Variants in MAP4K3 observed in about 807,000 individuals in gnomAD.
MAP4K3 encodes the protein MAPK/ERK kinase kinase kinase 3.
Under a neutral mutation model 143.5 loss-of-function variants are expected in MAP4K3, and 94 were observed. The observed-to-expected ratio is 0.65, with a 90% CI of 0.55 to 0.78. MAP4K3 has a LOEUF of 0.78. Ranked by LOEUF, MAP4K3 falls within the 30% of genes least tolerant of loss-of-function variation. The probability of loss-of-function intolerance (pLI) is 0.00; values close to 1 mark genes in which losing one functional copy is unlikely to be tolerated. For missense variants in MAP4K3, 1,077 were observed against 1,068.1 expected, an observed-to-expected ratio of 1.01 and a Z score of -0.12; for synonymous variants, 416 against 347.2, an observed-to-expected ratio of 1.20 and a Z score of -2.20.
At position 39,345,299 on chromosome 2, in the gene MAP4K3, G is replaced by A. The variant is rs928102738; in HGVS notation, c.246-1847C>T. Among the ~76,000 whole-genome samples, 70 of 151,854 alleles carry A rather than the reference G, an allele frequency of 4.6e-4. 1 individual carries two copies. Among genetic ancestry groups the A allele is most frequent in the African/African-American group, 2.4e-4 (10 of 41,388 alleles). On this transcript the variant is annotated intron_variant, in intron 3 of 33. Transcript: ENST00000263881. ...AGGCTGAGGCAGGGTGCAGGGGGTC[G>A]GGGGGAAGGTGCAGGGCGGGGCGGG...
At chr2:39,433,838 C>T (rs904235779) in intron 1 of MAP4K3, among the ~76,000 whole-genome samples, 6 of 151,992 alleles carry the variant, frequency 3.9e-5, no homozygotes, top group African/African-American at 7.2e-5. Flanking sequence ...TGTATATATG[C>T]ATTGGCCTGA....
At chr2:39,377,591 G>A (rs979276759) in intron 2 of MAP4K3, among the ~76,000 whole-genome samples, 1 of 152,150 alleles carries the variant, frequency 6.6e-6, no homozygotes, top group Non-Finnish European at 1.5e-5. Flanking sequence ...TGCTGGGATA[G>A]CAATGAAATA....
At chr2:39,300,352 T>C (rs1682458439) in intron 15 of MAP4K3, among the ~76,000 whole-genome samples, 1 of 152,236 alleles carries the variant, frequency 6.6e-6, no homozygotes, top group Non-Finnish European at 1.5e-5. Flanking sequence ...TTAATAATTT[T>C]TTAAGCAAAA....
At chr2:39,365,430 A>ATTTTT (rs151026787) in intron 2 of MAP4K3, among the ~76,000 whole-genome samples, 4 of 87,928 alleles carry the variant, frequency 4.5e-5, no homozygotes, top group Non-Finnish European at 6.6e-5. Flanking sequence ...CGCCATAGTA[A>ATTTTT]TTTTTTTTTT....
intron 13 of MAP4K3, among the ~76,000 whole-genome samples, chr2:39,313,133 C>G (rs1311524125): frequency 1.3e-5 from 2 of 152,246 alleles, no homozygotes; most frequent in Non-Finnish European, 2.9e-5. Flanking sequence ...GCCTCTGCCA[C>G]AGAATCTTCC....
intron 3 of MAP4K3, among the ~76,000 whole-genome samples, chr2:39,349,384 G>A (rs1665385078): frequency 6.6e-6 from 1 of 152,030 alleles, no homozygotes; most frequent in Non-Finnish European, 1.5e-5. Flanking sequence ...GTACTCAGGG[G>A]GATACAAGCT....
At chr2:39,428,868 G>C (rs540820676) in intron 1 of MAP4K3, among the ~76,000 whole-genome samples, 1 of 151,688 alleles carries the variant, frequency 6.6e-6, no homozygotes, top group African/African-American at 2.4e-5. Context: ...AAGAGTTCGA[G>C]ACCAGCCTGG....
intron 26 of MAP4K3, among the ~76,000 whole-genome samples, chr2:39,268,596 C>T (rs1340106589): frequency 7.0e-6 from 1 of 143,832 alleles, no homozygotes; most frequent in East Asian, 2.1e-4. Context: ...GCTGGGATTA[C>T]AGGTGTGAGC....
Position 39,292,824 on chromosome 2 carries a change from C to T in MAP4K3, c.1220G>A (p.Gly407Glu). The T allele has an allele frequency of 1.9e-6, 3 of 1,611,310 alleles. No individual in the cohort carries two copies. The highest frequency in any genetic ancestry group is 2.2e-5 in the East Asian group (1 of 44,824). Residue 407 changes from glycine (G) to glutamate (E), a missense_variant and splice_region_variant, in exon 18 of 34, where the codon GGA becomes GAA. Physicochemically the swap from Gly to Glu is moderately conservative, Grantham distance 98. Transcript: ENST00000263881. ...KSVEEELHQR[G>E]HVAHLEDDEG... ...ATCATCTTCTAAATGTGCGACGTGT[C>T]CTCTAAATAAAAAGGATAATGTCAT...
rs1420812309 is a variant in MAP4K3, at chr2:39,416,006, A to ATATATATATAT, written c.96+20885_96+20886insATATATATATA. ...ATATATATATATATATATATATATA[A>ATATATATATAT]AAATAACATTTGGAAGAATAAATTC... is the stretch of plus-strand genomic sequence containing the variant. On this transcript the variant is annotated intron_variant, in intron 1 of 33. Transcript: ENST00000263881. 1.6e-3 allele frequency among the ~76,000 whole-genome samples: 122 copies of ATATATATATAT among 75,810 alleles called. 3 individuals are homozygous for ATATATATATAT. The highest frequency in any genetic ancestry group is 6.1e-3 in the African/African-American group (84 of 13,842). The allele number at this position is 75,810 out of a possible 152,430, so 49.7% of individuals were successfully genotyped here.
intron 26 of MAP4K3, among the ~76,000 whole-genome samples, chr2:39,269,386 T>G (rs978126654): frequency 6.6e-6 from 1 of 151,974 alleles, no homozygotes; most frequent in Non-Finnish European, 1.5e-5. Flanking sequence ...GTGCCATGCA[T>G]TTTAGACATC....
intron 1 of MAP4K3, among the ~76,000 whole-genome samples, chr2:39,397,924 T>C (rs1400925823): frequency 6.6e-6 from 1 of 152,068 alleles, no homozygotes; most frequent in Non-Finnish European, 1.5e-5. Flanking sequence ...AAACAAAAAA[T>C]ATACAGTGAG....
intron 1 of MAP4K3, among the ~76,000 whole-genome samples, chr2:39,398,250 C>A (rs1158984740): frequency 6.6e-6 from 1 of 151,654 alleles, no homozygotes; most frequent in Non-Finnish European, 1.5e-5. Flanking sequence ...AAAGGACTGG[C>A]TGAATTAACT....
intron 2 of MAP4K3, among the ~76,000 whole-genome samples, chr2:39,367,244 T>C (rs1665947681): frequency 6.6e-6 from 1 of 152,142 alleles, no homozygotes; most frequent in Non-Finnish European, 1.5e-5. Context: ...GCTCAAACTA[T>C]CTAAACAAAA....
intron 1 of MAP4K3, among the ~76,000 whole-genome samples, chr2:39,387,605 G>A (rs1173863003): frequency 1.3e-5 from 2 of 152,200 alleles, no homozygotes; most frequent in Non-Finnish European, 2.9e-5. Flanking sequence ...GTCACAGCAT[G>A]CAGGACTTTG....
intron 1 of MAP4K3, among the ~76,000 whole-genome samples, chr2:39,407,451 A>G (rs1572497370): frequency 6.6e-6 from 1 of 152,358 alleles, no homozygotes; most frequent in East Asian, 1.9e-4. Flanking sequence ...AGAAAACAGA[A>G]GAAACAGCTA....
At chr2:39,407,983 T>C (rs1667140552) in intron 1 of MAP4K3, among the ~76,000 whole-genome samples, 4 of 151,976 alleles carry the variant, frequency 2.6e-5, no homozygotes, top group South Asian at 4.1e-4. Flanking sequence ...CAGGAAAGGA[T>C]AGGCTAACTC....
intron 16 of MAP4K3, among the ~76,000 whole-genome samples, chr2:39,297,414 G>A (rs569170080): frequency 6.8e-4 from 103 of 152,108 alleles, no homozygotes; most frequent in Non-Finnish European, 5.0e-4. Flanking sequence ...CACCATGCCC[G>A]GCCTAGTGTT....
At chr2:39,296,825 T>C (rs181055166) in intron 16 of MAP4K3, among the ~76,000 whole-genome samples, 1 of 152,342 alleles carries the variant, frequency 6.6e-6, no homozygotes, top group East Asian at 1.9e-4. Flanking sequence ...TAATAAGTAT[T>C]TACTAAGTCC....
Sources: gnomAD v4.1 joint callset for allele counts (sites outside exome capture counted in the v4.1 genomes callset) on GRCh38, gnomAD v4.1.1 for gene constraint, MANE v1.5 for transcripts, NCBI Gene and HGNC (gene_info 2026-07-23, HGNC 2026-07-21) for gene names.